Variants in PDE10A observed in about 807,000 individuals in gnomAD.
The protein encoded by PDE10A is cAMP and cAMP-inhibited cGMP 3',5'-cyclic phosphodiesterase 10A.
In PDE10A, 39 loss-of-function variants were observed where a neutral mutation model predicts 97.7. The observed-to-expected ratio is 0.40, with a 90% CI of 0.31 to 0.52. The LOEUF is 0.52. Ranked by LOEUF, PDE10A falls within the 20% of genes least tolerant of loss-of-function variation. PDE10A has a pLI of 0.56. For missense variants in PDE10A, 731 were observed against 1,047.8 expected (o/e 0.70, Z 4.17); for synonymous variants, 371 against 376.8 (o/e 0.98, Z 0.18).
At chr6:165,865,049 C>T (rs1562773407) in intron 1 of PDE10A, among the ~76,000 whole-genome samples, 1 of 152,152 alleles carries the variant, frequency 6.6e-6, no homozygotes, top group Non-Finnish European at 1.5e-5. Context: ...GCTCAAGAAC[C>T]AGACTGCTCA....
At chr6:165,804,939 G>A (rs1322602478) in intron 1 of PDE10A, among the ~76,000 whole-genome samples, 2 of 149,410 alleles carry the variant, frequency 1.3e-5, no homozygotes, top group Non-Finnish European at 3.0e-5. Context: ...ATGGAGGGAC[G>A]TGGGGAGCAT....
At chr6:165,433,266 TAGCCA>T (rs1234724299) in intron 6 of PDE10A, 137 bp from the exon 7 acceptor site, 3 of 592,886 alleles carry the variant, frequency 5.1e-6, no homozygotes, top group Non-Finnish European at 8.8e-6. Flanking sequence ...TAAATGATGA[TAGCCA>T]CCATAAATCT....
In PDE10A at chr6:165,572,854, A is replaced by C. The variant is rs901137328; in HGVS notation, c.866-29286T>G. 3.9e-5 allele frequency among the ~76,000 whole-genome samples: 6 copies of C among 152,234 alleles called. 1 individual carries two copies. The highest frequency in any genetic ancestry group is 1.3e-4 in the Admixed American group (2 of 15,284). On this transcript the variant is annotated intron_variant, in intron 1 of 21. Transcript: ENST00000539869. ...CCTGTCTCAAACAAACAAACCAAAA[A>C]GCAGTCATCCTCAGCTTTACTTCCA...
intron 1 of PDE10A, among the ~76,000 whole-genome samples, chr6:165,946,267 C>T (rs914861849): frequency 1.4e-4 from 21 of 152,046 alleles, no homozygotes; most frequent in Non-Finnish European, 2.5e-4. Context: ...GAGACTGAGG[C>T]GGGTGGATCA....
chr6:165,899,961 G>A (rs1034056778), intron 1 of PDE10A, among the ~76,000 whole-genome samples: 2 of 152,202 alleles, frequency 1.3e-5, no homozygotes, highest in African/African-American at 4.8e-5. Context: ...GAGATCCACT[G>A]GGGAGGGCTG....
intron 1 of PDE10A, among the ~76,000 whole-genome samples, chr6:165,856,377 G>C (rs1780735173): frequency 6.6e-6 from 1 of 152,200 alleles, no homozygotes; most frequent in Non-Finnish European, 1.5e-5. Context: ...CCCTGGCACG[G>C]AGCTGCATCT....
At chr6:165,626,168 G>A (rs974540793) in intron 1 of PDE10A, among the ~76,000 whole-genome samples, 3 of 152,136 alleles carry the variant, frequency 2.0e-5, no homozygotes, top group African/African-American at 7.2e-5. Context: ...CTGCCAAGAG[G>A]AAATTCTTAG....
chr6:165,775,785 A>G (rs1233402074), intron 1 of PDE10A: 1 of 152,250 alleles, frequency 6.6e-6, no homozygotes, highest in African/African-American at 2.4e-5. Context: ...AAAGCCAGTT[A>G]TTAAAGTACA....
intron 1 of PDE10A, among the ~76,000 whole-genome samples, chr6:165,684,109 G>A (rs1465806900): frequency 1.3e-5 from 2 of 152,054 alleles, no homozygotes; most frequent in Non-Finnish European, 2.9e-5. Context: ...AAAGTACAAG[G>A]CTCTCTCCTC....
At chr6:165,701,723 G>A (rs377393333) in intron 1 of PDE10A, among the ~76,000 whole-genome samples, 203 of 151,362 alleles carry the variant, frequency 1.3e-3, no homozygotes, top group Middle Eastern at 3.4e-3. Context: ...GTGTGTTTGC[G>A]CGTGTGTGCA....
chr6:165,343,448 T>C lies in PDE10A; in HGVS notation c.2838A>G (p.Lys946=). 1 of 1,614,080 alleles carries C rather than the reference T, an allele frequency of 6.2e-7. No individual in the cohort carries two copies. The highest frequency in any genetic ancestry group is 1.1e-5 in the South Asian group (1 of 91,082). The change falls in exon 19 of 22, where the codon AAA becomes AAG. Residue 946 remains lysine, a synonymous_variant. Coordinates refer to ENST00000539869, the MANE Select transcript of PDE10A (RefSeq NM_001385079.1). ...CCGTCAATTTTGTAACGGGCCACAG[T>C]TTTGTCACAGAACAAAGGTCACAGG... ...MTACDLCSVT[K]LWPVTKLTAN...
intron 1 of PDE10A, among the ~76,000 whole-genome samples, chr6:165,956,789 G>A (rs1026837787): frequency 2.6e-5 from 4 of 152,208 alleles, no homozygotes; most frequent in Admixed American, 6.5e-5. Flanking sequence ...TATGGAATCC[G>A]AATCATGTCA....
chr6:165,821,036 T>C (rs533153453), intron 1 of PDE10A, among the ~76,000 whole-genome samples: 2 of 152,296 alleles, frequency 1.3e-5, no homozygotes, highest in African/African-American at 4.8e-5. Flanking sequence ...ACATTGCACG[T>C]TGATAAAGTA....
chr6:165,374,228 G>A (rs7744357), intron 18 of PDE10A, among the ~76,000 whole-genome samples: 82,198 of 149,654 alleles, frequency 0.55, 23,426 homozygotes, highest in African/African-American at 0.72. Context: ...CTTGAAGTAT[G>A]ATAATAATAA....
At chr6:165,752,618 T>C (rs1793032117) in intron 1 of PDE10A, among the ~76,000 whole-genome samples, 1 of 152,210 alleles carries the variant, frequency 6.6e-6, no homozygotes, top group Non-Finnish European at 1.5e-5. Flanking sequence ...CATGTCAAAC[T>C]GGGAAGAGAC....
At chr6:165,904,291 C>T (rs1467882635) in intron 1 of PDE10A, among the ~76,000 whole-genome samples, 2 of 152,096 alleles carry the variant, frequency 1.3e-5, no homozygotes, top group Non-Finnish European at 2.9e-5. Context: ...GAGGCCATTG[C>T]ATCTGCCTTA....
chr6:165,987,917 C>A (rs1351285540), exon 1 of PDE10A: 3 of 372,770 alleles, frequency 8.0e-6, no homozygotes, highest in East Asian at 1.5e-4. Context: ...AAGCTCCCAG[C>A]AGCAGCAACT....
intron 1 of PDE10A, among the ~76,000 whole-genome samples, chr6:165,714,379 G>T (rs1038144452): frequency 6.6e-6 from 1 of 152,228 alleles, no homozygotes; most frequent in Non-Finnish European, 1.5e-5. Context: ...AGTCCTGTGA[G>T]TCTGATCATG....
chr6:165,400,857 C>T (rs139880919), intron 13 of PDE10A, among the ~76,000 whole-genome samples: 1 of 152,110 alleles, frequency 6.6e-6, no homozygotes, highest in Non-Finnish European at 1.5e-5. Flanking sequence ...TATATCCATA[C>T]AATAAACTAC....
Sources: allele counts gnomAD v4.1 joint callset (sites outside exome capture counted in the v4.1 genomes callset), GRCh38; gene constraint gnomAD v4.1.1; transcripts MANE v1.5; gene names NCBI Gene and HGNC (gene_info 2026-07-23, HGNC 2026-07-21).